The following DOCK4 variants were observed in gnomAD, a reference collection of about 807,000 sequenced individuals.
The protein encoded by DOCK4 is dedicator of cytokinesis protein 4.
DOCK4 carries 97 observed loss-of-function variants against 268.1 expected under a neutral mutation model. That is an observed-to-expected ratio of 0.36 (90% CI 0.31 to 0.43). The LOEUF (loss-of-function observed/expected upper bound fraction) is 0.43, where lower values mean the gene tolerates loss of function less well. DOCK4 is among the 20% of genes least tolerant of loss of function. DOCK4 has a pLI of 1.00. For missense variants in DOCK4, 2,145 were observed against 2,455.7 expected (o/e 0.87, Z 2.67); for synonymous variants, 954 against 887.2 (o/e 1.08, Z -1.34).
intron 7 of DOCK4, among the ~76,000 whole-genome samples, chr7:111,980,280 T>C (rs976664335): frequency 6.6e-5 from 10 of 152,216 alleles, no homozygotes; most frequent in Middle Eastern, 3.2e-3. Flanking sequence ...TAGTAGGTTA[T>C]GATTACTTTC....
intron 30 of DOCK4, among the ~76,000 whole-genome samples, chr7:111,806,160 T>C (rs564503235): frequency 1.6e-4 from 25 of 152,316 alleles, no homozygotes; most frequent in African/African-American, 5.1e-4. Context: ...GGCAAATTTA[T>C]AATTACCTGA....
intron 26 of DOCK4, among the ~76,000 whole-genome samples, chr7:111,827,328 A>C (rs1802481348): frequency 6.6e-6 from 1 of 152,216 alleles, no homozygotes; most frequent in African/African-American, 2.4e-5. Flanking sequence ...AAGTCAAAAT[A>C]ATTATATTGA....
At chr7:111,800,609 C>T (rs1317055889) in intron 30 of DOCK4, among the ~76,000 whole-genome samples, 3 of 152,152 alleles carry the variant, frequency 2.0e-5, no homozygotes, top group Non-Finnish European at 4.4e-5. Context: ...ATAGGACCCC[C>T]ACTAATGGTG....
intron 1 of DOCK4, among the ~76,000 whole-genome samples, chr7:112,077,413 T>G (rs1586774817): frequency 6.6e-6 from 1 of 152,106 alleles, no homozygotes; most frequent in East Asian, 1.9e-4. Context: ...CATTTTATAC[T>G]TTTTATACTA....
intron 47 of DOCK4, among the ~76,000 whole-genome samples, chr7:111,740,767 C>T (rs1051363059): frequency 2.4e-5 from 2 of 82,330 alleles, no homozygotes; most frequent in Non-Finnish European, 5.1e-5. Context: ...AAAAGGCAAG[C>T]TAAGAGGCAG....
At chr7:111,999,939 TC>T (rs1488998779) in intron 3 of DOCK4, among the ~76,000 whole-genome samples, 4 of 152,106 alleles carry the variant, frequency 2.6e-5, no homozygotes, top group African/African-American at 9.7e-5. Context: ...TGACATTACT[TC>T]TTGCTCTAAT....
At chr7:111,903,740 C>A (rs926585648) in intron 13 of DOCK4, among the ~76,000 whole-genome samples, 11 of 152,132 alleles carry the variant, frequency 7.2e-5, no homozygotes, top group African/African-American at 2.7e-4. Context: ...GGAGGAAATT[C>A]TTGACAATAA....
At chr7:112,130,702 T>C (rs1287535976) in intron 1 of DOCK4, among the ~76,000 whole-genome samples, 1 of 152,154 alleles carries the variant, frequency 6.6e-6, no homozygotes, top group Non-Finnish European at 1.5e-5. Flanking sequence ...AAAATAAACG[T>C]AGGTCATGTT....
chr7:111,734,433 C>T (rs1311339546), intron 51 of DOCK4, among the ~76,000 whole-genome samples: 1 of 152,206 alleles, frequency 6.6e-6, no homozygotes, highest in Non-Finnish European at 1.5e-5. Flanking sequence ...GTGATCCACT[C>T]ACCTTGGTCT....
At chr7:112,100,101 C>T (rs933178571) in intron 1 of DOCK4, among the ~76,000 whole-genome samples, 13 of 152,150 alleles carry the variant, frequency 8.5e-5, no homozygotes, top group South Asian at 2.1e-4. Context: ...TTCAAACCTA[C>T]GTATGCTAAC....
Position 111,877,048 on chromosome 7 carries a change from TG to T in DOCK4, c.1725del (p.Thr576GlnfsTer13). On this transcript the variant is annotated frameshift_variant, in exon 17 of 53. Coordinates refer to ENST00000428084, the MANE Select transcript of DOCK4 (RefSeq NM_001363540.2). LOFTEE classifies it high-confidence loss of function. The part of the protein sequence containing the change: ...ESFCITSFLC[S>X]TKLTQNGDML... ...ACATTACCATTTTGTGTGAGTTTTGTGGAACAGAGAAAAGATGTAATACAAA... is the reference window on the plus strand; with the variant it reads ...ACATTACCATTTTGTGTGAGTTTTGTGAACAGAGAAAAGATGTAATACAAA... The T allele has an allele frequency of 6.4e-7, 1 of 1,553,126 alleles. No individual in the cohort carries two copies. Among genetic ancestry groups the T allele is most frequent in the Non-Finnish European group, 8.7e-7 (1 of 1,151,058 alleles).
intron 32 of DOCK4, among the ~76,000 whole-genome samples, chr7:111,786,345 T>C (rs1014208587): frequency 1.3e-5 from 2 of 152,120 alleles, no homozygotes; most frequent in South Asian, 2.1e-4. Context: ...GAGTGCCCAA[T>C]AGATAAAGCG....
Position 111,901,787 on chromosome 7 carries a change from C to A in DOCK4, c.1207G>T (p.Asp403Tyr). Reference sequence around the variant, plus strand: ...CCCCTTTCAATAGTGATATATAAATCATTCCTCATTTCACCTATAAGGAAA... The same window carrying A: ...CCCCTTTCAATAGTGATATATAAATAATTCCTCATTTCACCTATAAGGAAA... ...NIIMPGEMRN[D>Y]LYITIERGEF... Residue 403 changes from aspartate (D) to tyrosine (Y), a missense_variant, in exon 14 of 53, where the codon GAT (aspartate) becomes TAT (tyrosine). This residue lies in a region of DOCK4 where 1,598 missense variants were observed against 1,986.7 expected (regional missense o/e 0.80). Transcript: ENST00000428084. The A allele has an allele frequency of 6.3e-7, 1 of 1,578,108 alleles. No homozygotes were observed. Among genetic ancestry groups the A allele is most frequent in the Non-Finnish European group, 8.7e-7 (1 of 1,151,110 alleles).
chr7:111,857,852 T>C (rs891324302), intron 23 of DOCK4, among the ~76,000 whole-genome samples: 1 of 152,186 alleles, frequency 6.6e-6, no homozygotes, highest in Non-Finnish European at 1.5e-5. Context: ...TCCAAAACCA[T>C]TTAGACTCTT....
intron 28 of DOCK4, among the ~76,000 whole-genome samples, chr7:111,810,072 T>C (rs1214565057): frequency 6.6e-6 from 1 of 150,522 alleles, no homozygotes. Context: ...CCAGGAGACA[T>C]ATGACACAGA....
At chr7:111,795,032 TTA>T (rs1799795507) in intron 30 of DOCK4, among the ~76,000 whole-genome samples, 1 of 152,222 alleles carries the variant, frequency 6.6e-6, no homozygotes, top group South Asian at 2.1e-4. Context: ...GGGATTTTTT[TTA>T]TCTTTCTGAT....
At chr7:111,895,876 A>T (rs996147178) in intron 15 of DOCK4, among the ~76,000 whole-genome samples, 158 bp from the exon 16 acceptor site, 1 of 152,162 alleles carries the variant, frequency 6.6e-6, no homozygotes, top group Non-Finnish European at 1.5e-5. Flanking sequence ...TAGAGCAGCC[A>T]CCCTCTAATC....
chr7:111,757,067 C>T (rs536709977), intron 41 of DOCK4, among the ~76,000 whole-genome samples: 26 of 151,840 alleles, frequency 1.7e-4, no homozygotes, highest in South Asian at 6.3e-4. Context: ...GCAGGAGGAG[C>T]GGCTTGCGAA....
chr7:111,803,861 T>C (rs17158831), intron 30 of DOCK4, among the ~76,000 whole-genome samples: 10,546 of 152,194 alleles, frequency 0.069, 1,229 homozygotes, highest in African/African-American at 0.24. Context: ...TTTTATGCTC[T>C]AAAAATACAT....
Sources: gnomAD v4.1 joint callset for allele counts (sites outside exome capture counted in the v4.1 genomes callset) on GRCh38, gnomAD v4.1.1 for gene constraint, gnomAD v4.1.1 regional missense constraint, MANE v1.5 for transcripts, NCBI Gene and HGNC (gene_info 2026-07-23, HGNC 2026-07-21) for gene names.